Variants in ARHGEF3 observed in about 807,000 individuals in gnomAD.
ARHGEF3 encodes the protein 59.8 kDA protein.
Under a neutral mutation model 63.2 loss-of-function variants are expected in ARHGEF3, and 28 were observed. That is an observed-to-expected ratio of 0.44 (90% CI 0.33 to 0.61). ARHGEF3 has a LOEUF of 0.61. ARHGEF3 is among the 20% of genes least tolerant of loss of function. ARHGEF3 has a pLI of 0.03. For synonymous variants in ARHGEF3, 266 were observed against 254.2 expected (o/e 1.05, Z -0.44); for missense variants, 533 against 659.3 (o/e 0.81, Z 2.10).
intron 2 of ARHGEF3, among the ~76,000 whole-genome samples, chr3:56,981,350 T>C (rs114395875): frequency 4.1e-4 from 62 of 152,304 alleles, no homozygotes; most frequent in African/African-American, 1.3e-3. Context: ...ATGACATCCA[T>C]GACAGTGAAG....
At chr3:56,808,498 G>A (rs1206702960) in intron 4 of ARHGEF3, among the ~76,000 whole-genome samples, 4 of 152,120 alleles carry the variant, frequency 2.6e-5, no homozygotes, top group African/African-American at 9.7e-5. Flanking sequence ...GCTGAGGTGG[G>A]AGGATCCCTT....
chr3:56,952,299 GCAAGGAAATGAGAACCTCCTGACAACCA>G, intron 3 of ARHGEF3, among the ~76,000 whole-genome samples: 1 of 152,272 alleles, frequency 6.6e-6, no homozygotes, highest in East Asian at 1.9e-4. Context: ...CTGACAGCCA[GCAAGGAAATGAGAACCTCCTGACAACCA>G]CAAGGAACTG....
At chr3:57,074,424 C>G in intron 1 of ARHGEF3, 1 of 646,600 alleles carries the variant, frequency 1.5e-6, no homozygotes, top group Non-Finnish European at 2.7e-6. Flanking sequence ...AAGAAGCCTC[C>G]CTGTCACACT....
At chr3:57,024,645 A>G (rs1039010442) in intron 2 of ARHGEF3, among the ~76,000 whole-genome samples, 22 of 151,734 alleles carry the variant, frequency 1.4e-4, no homozygotes, top group African/African-American at 4.8e-4. Context: ...CCGCCACCAC[A>G]CCCGGCTAAT....
chr3:56,872,445 C>T (rs1485719249), intron 4 of ARHGEF3, among the ~76,000 whole-genome samples: 1 of 151,938 alleles, frequency 6.6e-6, no homozygotes. Flanking sequence ...GATATTCATG[C>T]TGTTTCCAGT....
upstream of ARHGEF3, among the ~76,000 whole-genome samples, chr3:56,802,988 T>C (rs1199578469): frequency 6.6e-6 from 1 of 152,106 alleles, no homozygotes; most frequent in African/African-American, 2.4e-5. Flanking sequence ...TTAAAAATAA[T>C]TGCAGACTAA....
At chr3:57,070,988 G>A (rs201270978) in intron 1 of ARHGEF3, among the ~76,000 whole-genome samples, 2,569 of 116,226 alleles carry the variant, frequency 0.022, 98 homozygotes, top group African/African-American at 0.073. Context: ...AAAAAAAAAA[G>A]AAAGAAAGAA....
chr3:56,964,350 C>CAAA (rs11347724), intron 2 of ARHGEF3, among the ~76,000 whole-genome samples: 11 of 101,122 alleles, frequency 1.1e-4, no homozygotes, highest in African/African-American at 3.9e-4. Flanking sequence ...AAGACTGTCT[C>CAAA]AAAAAAAAAA....
intron 3 of ARHGEF3, among the ~76,000 whole-genome samples, chr3:56,915,046 A>G (rs1390985372): frequency 1.3e-5 from 2 of 152,354 alleles, no homozygotes; most frequent in East Asian, 3.9e-4. Context: ...AAAAAAAATT[A>G]GTATGTCTAG....
chr3:57,037,623 C>G (rs1704015718), intron 1 of ARHGEF3, among the ~76,000 whole-genome samples: 1 of 152,314 alleles, frequency 6.6e-6, no homozygotes. Flanking sequence ...GCCTGTAATC[C>G]CAGCACTTTG....
intron 1 of ARHGEF3, chr3:57,079,173 G>A: frequency 2.5e-6 from 1 of 394,616 alleles, no homozygotes. Flanking sequence ...GGGGTGTCTA[G>A]CCGGGGAGGG....
At position 56,729,354 on chromosome 3, in the gene ARHGEF3, C is replaced by T. The variant is rs773417858; in HGVS notation, c.1497G>A (p.Thr499=). 5.6e-6 allele frequency: 9 copies of T among 1,614,128 alleles called. No homozygotes were observed. Among genetic ancestry groups the T allele is most frequent in the Admixed American group, 5.0e-5 (3 of 60,014 alleles). Residue 499 remains threonine (T), a synonymous_variant, in exon 10 of 10, where the codon ACG becomes ACA. Transcript: ENST00000296315. Reference sequence around the variant, plus strand: ...GCTCACAGTCGAGGCTGACCTCACTCGTGTCCATACTACAGTCTGACTCAC... The same window carrying T: ...GCTCACAGTCGAGGCTGACCTCACTTGTGTCCATACTACAGTCTGACTCAC... The part of the protein sequence containing the change: ...SDSESDCSMD[T]SEVSLDCERM...
rs1013707479 is a variant in ARHGEF3 at position 56,755,696 on chromosome 3, T to C, written c.205-545A>G. Among the ~76,000 whole-genome samples, 5 of 152,094 alleles carry C rather than the reference T, an allele frequency of 3.3e-5. 1 individual carries two copies. The highest frequency in any genetic ancestry group is 6.6e-5 in the Admixed American group (1 of 15,230). ...TGGGCATGTGATTCCCTGAAATTTG[T>C]CACATGAGTTACGGGAGAAAGGAGG... On this transcript the variant is annotated intron_variant, in intron 2 of 9. Transcript: ENST00000296315.
chr3:56,903,065 A>AACACAC (rs1350722358), intron 3 of ARHGEF3, among the ~76,000 whole-genome samples: 3 of 92,044 alleles, frequency 3.3e-5, no homozygotes, highest in Admixed American at 1.4e-4. Flanking sequence ...CCCCTCTCTA[A>AACACAC]ACATACACAC....
At chr3:57,004,828 T>C (rs1702407649) in intron 2 of ARHGEF3, among the ~76,000 whole-genome samples, 1 of 152,140 alleles carries the variant, frequency 6.6e-6, no homozygotes, top group Non-Finnish European at 1.5e-5. Context: ...GGCATGGTGC[T>C]ATACACCTGT....
At chr3:56,799,820 CAA>C (rs1203051463) in intron 1 of ARHGEF3, among the ~76,000 whole-genome samples, 1 of 152,134 alleles carries the variant, frequency 6.6e-6, no homozygotes, top group Admixed American at 6.5e-5. Flanking sequence ...ATCTCTGCCT[CAA>C]AGTGTATAAA....
chr3:56,743,616 A>T (rs1283814210), intron 7 of ARHGEF3, among the ~76,000 whole-genome samples: 1 of 152,162 alleles, frequency 6.6e-6, no homozygotes, highest in African/African-American at 2.4e-5. Context: ...TTTACTAGAT[A>T]CTCAATGCCA....
chr3:56,983,519 G>A (rs1003137391), intron 2 of ARHGEF3, among the ~76,000 whole-genome samples: 16 of 152,072 alleles, frequency 1.1e-4, no homozygotes, highest in African/African-American at 3.6e-4. Context: ...AAATCCCCTC[G>A]CCTCCAATAG....
chr3:57,049,355 T>C (rs1325281710), intron 1 of ARHGEF3, among the ~76,000 whole-genome samples: 1 of 151,828 alleles, frequency 6.6e-6, no homozygotes, highest in Non-Finnish European at 1.5e-5. Flanking sequence ...GGCGACAGAG[T>C]GAGACCCTGA....
Sources: gnomAD v4.1 joint callset for allele counts (sites outside exome capture counted in the v4.1 genomes callset) on GRCh38, gnomAD v4.1.1 for gene constraint, MANE v1.5 for transcripts, NCBI Gene and HGNC (gene_info 2026-07-23, HGNC 2026-07-21) for gene names.